NRG3: variants seen among roughly 807,000 people sequenced by gnomAD.
NRG3 encodes pro-neuregulin-3, membrane-bound isoform.
In NRG3, 31 loss-of-function variants were observed where a neutral mutation model predicts 66.9. The ratio of observed to expected loss-of-function variants is 0.46; its 90% CI spans 0.35 to 0.63. NRG3 has a LOEUF of 0.63. Among genes scored for constraint, NRG3 ranks in the 20% least tolerant of loss-of-function variants. NRG3 has a pLI of 0.00. For synonymous variants in NRG3, 393 were observed against 359.4 expected, an observed-to-expected ratio of 1.09 and a Z score of -1.06; for missense variants, 910 against 878.9, an observed-to-expected ratio of 1.04 and a Z score of -0.45.
chr10:82,349,808 G>A (rs1180162088), intron 1 of NRG3, among the ~76,000 whole-genome samples: 1 of 152,208 alleles, frequency 6.6e-6, no homozygotes, highest in Non-Finnish European at 1.5e-5. Flanking sequence ...GCAGTATTCG[G>A]GTGGGAGTGA....
At chr10:82,496,862 A>G (rs926865422) in intron 2 of NRG3, among the ~76,000 whole-genome samples, 1 of 152,218 alleles carries the variant, frequency 6.6e-6, no homozygotes, top group African/African-American at 2.4e-5. Context: ...AAGGATTTGA[A>G]TCTTTTAAAA....
chr10:82,457,940 A>C (rs1054911997), intron 2 of NRG3, among the ~76,000 whole-genome samples: 1 of 152,200 alleles, frequency 6.6e-6, no homozygotes, highest in Non-Finnish European at 1.5e-5. Context: ...ATTTTTAAAG[A>C]GCTTGATGCA....
intron 1 of NRG3, among the ~76,000 whole-genome samples, chr10:82,323,881 T>C (rs1012891989): frequency 1.3e-5 from 2 of 152,198 alleles, no homozygotes. Context: ...TATTTATTTA[T>C]GAGACGGAGT....
At chr10:81,995,997 G>T (rs983420503) in intron 1 of NRG3, among the ~76,000 whole-genome samples, 2 of 152,094 alleles carry the variant, frequency 1.3e-5, no homozygotes, top group Admixed American at 1.3e-4. Context: ...TTTACATCCA[G>T]CTCTGGAATT....
chr10:82,044,149 C>T (rs776782581), intron 1 of NRG3, among the ~76,000 whole-genome samples: 60 of 62,108 alleles, frequency 9.7e-4, no homozygotes, highest in Non-Finnish European at 2.1e-3. Flanking sequence ...TAACCGAGAG[C>T]TTCTGTACCA....
intron 2 of NRG3, among the ~76,000 whole-genome samples, chr10:82,418,581 A>C (rs530228563): frequency 1.3e-5 from 2 of 151,854 alleles, no homozygotes; most frequent in Admixed American, 1.3e-4. Flanking sequence ...TTGGGGAAAA[A>C]CCCTCCAGTG....
chr10:82,887,339 C>T (rs1842813623), intron 4 of NRG3, among the ~76,000 whole-genome samples: 1 of 152,214 alleles, frequency 6.6e-6, no homozygotes, highest in Admixed American at 6.5e-5. Context: ...GACATTTAAA[C>T]TCCCTTCATA....
intron 2 of NRG3, among the ~76,000 whole-genome samples, chr10:82,423,111 A>G (rs1411477000): frequency 6.6e-6 from 1 of 151,968 alleles, no homozygotes; most frequent in African/African-American, 2.4e-5. Flanking sequence ...TAGACTAAAA[A>G]CAATTTCTAG....
chr10:82,109,610 A>G (rs943608913), intron 1 of NRG3, among the ~76,000 whole-genome samples: 2 of 149,994 alleles, frequency 1.3e-5, no homozygotes, highest in African/African-American at 4.9e-5. Flanking sequence ...ATTGATTCCA[A>G]TGCTCTGAAC....
chr10:82,090,061 G>T (rs905698315), intron 1 of NRG3, among the ~76,000 whole-genome samples: 20 of 152,282 alleles, frequency 1.3e-4, no homozygotes, highest in African/African-American at 4.6e-4. Flanking sequence ...TAATATATAA[G>T]TGGGTTTCTC....
intron 1 of NRG3, among the ~76,000 whole-genome samples, chr10:82,096,895 C>G (rs1025467369): frequency 6.6e-6 from 1 of 152,096 alleles, no homozygotes; most frequent in African/African-American, 2.4e-5. Context: ...CCTGATTTAT[C>G]CCAAGATAAT....
chr10:82,592,533 A>T (rs1160470998), intron 2 of NRG3, among the ~76,000 whole-genome samples: 1 of 152,178 alleles, frequency 6.6e-6, no homozygotes, highest in Non-Finnish European at 1.5e-5. Flanking sequence ...TCTCAGTGAG[A>T]CTACTCATGT....
At chr10:82,161,790 C>A (rs888078625) in intron 1 of NRG3, among the ~76,000 whole-genome samples, 4 of 152,194 alleles carry the variant, frequency 2.6e-5, no homozygotes, top group East Asian at 3.9e-4. Flanking sequence ...ACTGCAATTA[C>A]CCCTATTTGA....
chr10:82,023,615 G>A (rs2062161935), intron 1 of NRG3, among the ~76,000 whole-genome samples: 1 of 151,954 alleles, frequency 6.6e-6, no homozygotes, highest in Non-Finnish European at 1.5e-5. Context: ...TGATCATATG[G>A]CTTTTGTTCT....
At chr10:82,093,260 C>T (rs1348654637) in intron 1 of NRG3, among the ~76,000 whole-genome samples, 2 of 152,054 alleles carry the variant, frequency 1.3e-5, no homozygotes, top group Non-Finnish European at 2.9e-5. Flanking sequence ...AATGTAGATC[C>T]CACAGCAACT....
At position 82,980,765 on chromosome 10, in the gene NRG3, A is replaced by T. The variant is rs75435887; in HGVS notation, c.1583+1645A>T. Among the ~76,000 whole-genome samples, 730 of 152,340 alleles carry T rather than the reference A, an allele frequency of 4.8e-3. 17 individuals are homozygous for T. Among genetic ancestry groups the T allele is most frequent in the East Asian group, 0.036 (187 of 5,180 alleles). On this transcript the variant is annotated intron_variant, in intron 8 of 8. Coordinates refer to ENST00000372141, the MANE Select transcript of NRG3 (RefSeq NM_001010848.4). ...GGTACAGATTTAGGGTGACAGTTGC[A>T]AAGTAAACATAACAGCCAAGGGGTT...
chr10:81,946,301 G>T (rs368908823), intron 1 of NRG3, among the ~76,000 whole-genome samples: 2 of 152,120 alleles, frequency 1.3e-5, no homozygotes, highest in African/African-American at 4.8e-5. Context: ...ACAGGCATAC[G>T]CCCAGCCAAT....
chr10:81,944,907 G>A (rs1213921822), intron 1 of NRG3, among the ~76,000 whole-genome samples: 1 of 152,044 alleles, frequency 6.6e-6, no homozygotes. Flanking sequence ...GACCTCTGGG[G>A]TGTGACTTAT....
At chr10:82,118,497 A>G (rs1761281458) in intron 1 of NRG3, among the ~76,000 whole-genome samples, 1 of 152,098 alleles carries the variant, frequency 6.6e-6, no homozygotes, top group Non-Finnish European at 1.5e-5. Context: ...TGAGAAATAC[A>G]GCCACAGGTT....
Sources: allele counts gnomAD v4.1 joint callset (sites outside exome capture counted in the v4.1 genomes callset), GRCh38; gene constraint gnomAD v4.1.1; transcripts MANE v1.5; gene names NCBI Gene and HGNC (gene_info 2026-07-23, HGNC 2026-07-21).